KSR2: variants seen among roughly 807,000 people sequenced by gnomAD.
KSR2 encodes the protein kinase suppressor of ras 2.
In KSR2, 25 loss-of-function variants were observed where a neutral mutation model predicts 107.8. The ratio of observed to expected loss-of-function variants is 0.23; its 90% CI spans 0.17 to 0.32. The LOEUF is 0.32. Among genes scored for constraint, KSR2 ranks in the 10% least tolerant of loss-of-function variants. KSR2 has a pLI of 1.00. For synonymous variants in KSR2, 480 were observed against 507.0 expected, an observed-to-expected ratio of 0.95 and a Z score of 0.71; for missense variants, 887 against 1,268.9, an observed-to-expected ratio of 0.70 and a Z score of 4.57.
intron 18 of KSR2, among the ~76,000 whole-genome samples, chr12:117,470,224 CCA>C (rs1436036346): frequency 5.6e-5 from 8 of 143,974 alleles, no homozygotes; most frequent in East Asian, 4.1e-4. Context: ...ATCCATCCAT[CCA>C]TCCGGCATGT....
At chr12:117,582,517 G>C (rs1879731172) in intron 5 of KSR2, among the ~76,000 whole-genome samples, 158 bp from the exon 6 acceptor site, 1 of 152,208 alleles carries the variant, frequency 6.6e-6, no homozygotes, top group South Asian at 2.1e-4. Flanking sequence ...GGTTTAGCTT[G>C]TCACCTCAAC....
At chr12:117,617,295 C>T (rs1232492362) in intron 5 of KSR2, among the ~76,000 whole-genome samples, 2 of 152,192 alleles carry the variant, frequency 1.3e-5, no homozygotes. Context: ...AATCCTTCCG[C>T]TAGTTCACTA....
intron 3 of KSR2, among the ~76,000 whole-genome samples, chr12:117,800,380 G>GC (rs780651596): frequency 2.5e-3 from 377 of 151,664 alleles, no homozygotes; most frequent in African/African-American, 5.7e-3. Context: ...TAATTATTCT[G>GC]CCCCCCCCAA....
chr12:117,776,039 A>G (rs1182522368), intron 3 of KSR2, among the ~76,000 whole-genome samples: 1 of 152,092 alleles, frequency 6.6e-6, no homozygotes, highest in African/African-American at 2.4e-5. Flanking sequence ...CCACTAAAGA[A>G]CTTATGTAAC....
intron 1 of KSR2, among the ~76,000 whole-genome samples, chr12:117,958,866 C>A (rs1896587184): frequency 6.6e-6 from 1 of 151,928 alleles, no homozygotes; most frequent in African/African-American, 2.4e-5. Flanking sequence ...TACTATGTAG[C>A]CATTACAAAT....
chr12:117,595,198 C>T (rs1312625716), intron 5 of KSR2, among the ~76,000 whole-genome samples: 1 of 152,220 alleles, frequency 6.6e-6, no homozygotes, highest in Non-Finnish European at 1.5e-5. Context: ...TAGTCCAACA[C>T]AGTGACAGGG....
At chr12:117,521,809 C>A (rs919946564) in intron 14 of KSR2, among the ~76,000 whole-genome samples, 1 of 152,160 alleles carries the variant, frequency 6.6e-6, no homozygotes, top group African/African-American at 2.4e-5. Context: ...CCTCTGCCAG[C>A]CAATCGTGCG....
intron 7 of KSR2, among the ~76,000 whole-genome samples, chr12:117,564,983 G>T (rs560320168): frequency 6.6e-5 from 10 of 152,168 alleles, no homozygotes; most frequent in Non-Finnish European, 1.3e-4. Flanking sequence ...CCAGTGCGGG[G>T]CTGGAGGGCA....
intron 5 of KSR2, among the ~76,000 whole-genome samples, chr12:117,631,283 A>G (rs1357999505): frequency 6.6e-6 from 1 of 152,238 alleles, no homozygotes; most frequent in Non-Finnish European, 1.5e-5. Flanking sequence ...CCTGGGCAAC[A>G]GAGTGAGATT....
intron 14 of KSR2, among the ~76,000 whole-genome samples, chr12:117,497,125 G>A (rs1297985873): frequency 6.6e-6 from 1 of 151,990 alleles, no homozygotes; most frequent in East Asian, 1.9e-4. Flanking sequence ...TGATCCACCT[G>A]CCTTGGCCTC....
intron 1 of KSR2, among the ~76,000 whole-genome samples, chr12:117,916,135 CTT>C (rs34082573): frequency 3.8e-5 from 4 of 105,412 alleles, no homozygotes; most frequent in Admixed American, 1.2e-4. Context: ...ATTTCTTCTT[CTT>C]TTTTTTTTTT....
At chr12:117,565,994 C>A (rs192624057) in intron 7 of KSR2, among the ~76,000 whole-genome samples, 29 of 152,158 alleles carry the variant, frequency 1.9e-4, no homozygotes, top group Non-Finnish European at 4.1e-4. Context: ...CAGGGGGACA[C>A]GTACAGGTTT....
Position 117,968,595 on chromosome 12 carries a change from G to T in KSR2, c.-340C>A. 1 of 560,034 alleles carries T rather than the reference G, an allele frequency of 1.8e-6. No homozygotes were observed. Among genetic ancestry groups the T allele is most frequent in the Non-Finnish European group, 2.4e-6 (1 of 412,438 alleles). The allele number at this position is 560,034 out of a possible 1,614,324, so 34.7% of individuals were successfully genotyped here. On this transcript the variant is annotated 5_prime_UTR_variant, in exon 1 of 20. Coordinates refer to ENST00000339824, the MANE Select transcript of KSR2 (RefSeq NM_173598.6). ...GTACACTTAGGGAGGAGGAGGAGGA[G>T]GAAAAAGAAGAGGAGAAGGAGGAGA... is the stretch of plus-strand genomic sequence containing the variant.
intron 4 of KSR2, among the ~76,000 whole-genome samples, chr12:117,736,334 C>A (rs998599225): frequency 1.3e-5 from 2 of 152,186 alleles, no homozygotes; most frequent in Non-Finnish European, 2.9e-5. Flanking sequence ...ACTTCATAAA[C>A]TGACTGGAGG....
chr12:117,906,216 G>A (rs962250549), intron 1 of KSR2, among the ~76,000 whole-genome samples: 2 of 152,092 alleles, frequency 1.3e-5, no homozygotes, highest in Middle Eastern at 6.8e-3. Context: ...AACCAGGCAT[G>A]GTGGTGGGCA....
intron 4 of KSR2, among the ~76,000 whole-genome samples, chr12:117,710,814 T>C (rs1886742081): frequency 6.6e-6 from 1 of 152,174 alleles, no homozygotes; most frequent in Non-Finnish European, 1.5e-5. Flanking sequence ...AATTCCCTGG[T>C]GCACTGTCTC....
intron 4 of KSR2, among the ~76,000 whole-genome samples, chr12:117,738,645 C>T (rs985430989): frequency 3.3e-5 from 5 of 151,666 alleles, no homozygotes; most frequent in African/African-American, 9.7e-5. Flanking sequence ...GAGGCTGAGG[C>T]GGGCGGATTA....
At chr12:117,905,877 G>GAA (rs199987767) in intron 1 of KSR2, among the ~76,000 whole-genome samples, 3 of 123,742 alleles carry the variant, frequency 2.4e-5, no homozygotes, top group African/African-American at 9.0e-5. Flanking sequence ...CCATGATCTG[G>GAA]AAAAAAAAAA....
chr12:117,685,603 G>A (rs981633198), intron 4 of KSR2, among the ~76,000 whole-genome samples: 1 of 152,206 alleles, frequency 6.6e-6, no homozygotes. Context: ...CTCCCTCTGG[G>A]GCCAAAGAGT....
Sources: gnomAD v4.1 joint callset for allele counts (sites outside exome capture counted in the v4.1 genomes callset) on GRCh38, gnomAD v4.1.1 for gene constraint, MANE v1.5 for transcripts, NCBI Gene and HGNC (gene_info 2026-07-23, HGNC 2026-07-21) for gene names.